Variants in VIRMA observed in about 807,000 individuals in gnomAD.
VIRMA encodes vir like m6A methyltransferase associated.
A neutral mutation model predicts 182.4 loss-of-function variants in VIRMA; 65 were observed. That is an observed-to-expected ratio of 0.36 (90% CI 0.29 to 0.44). The LOEUF (loss-of-function observed/expected upper bound fraction) is 0.44, where lower values mean the gene tolerates loss of function less well. VIRMA is among the 20% of genes least tolerant of loss of function. VIRMA has a pLI of 1.00. For missense variants in VIRMA, 1,752 were observed against 2,158.1 expected (o/e 0.81, Z 3.73); for synonymous variants, 709 against 743.1 (o/e 0.95, Z 0.75).
chr8:94,514,435 G>A (rs1814486458), intron 11 of VIRMA, among the ~76,000 whole-genome samples: 1 of 152,160 alleles, frequency 6.6e-6, no homozygotes. Context: ...AATTAACAAA[G>A]AGAACTTGCC....
At chr8:94,507,572 T>C (rs892250893) in intron 15 of VIRMA, among the ~76,000 whole-genome samples, 2 of 151,934 alleles carry the variant, frequency 1.3e-5, no homozygotes, top group Non-Finnish European at 2.9e-5. Context: ...CTGGCCAACA[T>C]GGTGAAACAC....
intron 2 of VIRMA, among the ~76,000 whole-genome samples, chr8:94,540,473 T>TG: frequency 6.8e-6 from 1 of 147,918 alleles, no homozygotes; most frequent in Non-Finnish European, 1.5e-5. Flanking sequence ...TTTTTTTTTT[T>TG]TTTTTTTTGA....
At position 94,509,733 on chromosome 8, in the gene VIRMA, C is replaced by G; in HGVS notation, c.3834G>C (p.Gln1278His). ...RSPGDSVIRQ[Q>H]CVEYVTSILQ... ...AAATGGATGTGACATATTCAACACA[C>G]TGTTGGCGAATAACACTGTCTCCAG... The change falls in exon 15 of 24, where the codon CAG becomes CAC. Residue 1278 changes from glutamine to histidine, a missense_variant. Around this residue, in one of 11 missense-constraint regions of VIRMA, gnomAD observed 777 missense variants for 920.6 expected, o/e 0.84. Transcript: ENST00000297591. 1 of 1,613,906 alleles carries G rather than the reference C, an allele frequency of 6.2e-7. No homozygotes were observed. Among genetic ancestry groups the G allele is most frequent in the South Asian group, 1.1e-5 (1 of 91,054 alleles).
chr8:94,530,333 C>T (rs1014632110), intron 6 of VIRMA, among the ~76,000 whole-genome samples: 1 of 151,734 alleles, frequency 6.6e-6, no homozygotes, highest in African/African-American at 2.4e-5. Context: ...TAGGAAACTT[C>T]TTCTCTATAA....
chr8:94,488,629 A>C lies in VIRMA; in HGVS notation c.*77T>G, dbSNP rs1453538048. ...TGTCTCCAGATAACTGCTAAGTCTAAATTGGTCCTTCAATGTCTTATTTTT... is the reference window on the plus strand; with the variant it reads ...TGTCTCCAGATAACTGCTAAGTCTACATTGGTCCTTCAATGTCTTATTTTT... On this transcript the variant is annotated 3_prime_UTR_variant, in exon 24 of 24. Transcript: ENST00000297591. The C allele has an allele frequency of 2.8e-6, 4 of 1,405,414 alleles. No homozygotes were observed. The highest frequency in any genetic ancestry group is 1.4e-5 in the African/African-American group (1 of 71,204). 87.1% of individuals were successfully genotyped at this position (1,405,414 alleles called of 1,614,324 possible).
intron 10 of VIRMA, 54 bp from the exon 11 acceptor site, chr8:94,515,005 GA>G (rs1814512454): frequency 1.1e-6 from 1 of 873,322 alleles, no homozygotes; most frequent in Non-Finnish European, 1.7e-6. Flanking sequence ...TTATAACAAA[GA>G]AAGTAAATAT....
intron 16 of VIRMA, among the ~76,000 whole-genome samples, chr8:94,501,899 T>C (rs1215150226): frequency 1.3e-5 from 2 of 152,206 alleles, no homozygotes; most frequent in Non-Finnish European, 2.9e-5. Context: ...AGAATGTATA[T>C]TCTGTGGTTG....
chr8:94,519,560 A>AT, intron 8 of VIRMA, 84 bp from the exon 9 acceptor site: 2 of 1,386,022 alleles, frequency 1.4e-6, no homozygotes, highest in South Asian at 3.0e-5. Flanking sequence ...ACTGATAAAA[A>AT]TTTTTAATGA....
rs1814939712 is a variant in VIRMA, at chr8:94,525,821, G to A, written c.2021+402C>T. ...TAACCAGCACTGTAAAATTAAGCTA[G>A]TAAAATATAATTTTAACTTACAATG... On this transcript the variant is annotated intron_variant, in intron 8 of 23. Transcript: ENST00000297591. Among the ~76,000 whole-genome samples, 3 of 152,308 alleles carry A rather than the reference G, an allele frequency of 2.0e-5. No homozygotes were observed. The South Asian group carries it at 6.2e-4, about 32-fold the overall frequency.
chr8:94,502,906 C>T (rs1467962597), intron 16 of VIRMA, among the ~76,000 whole-genome samples: 1 of 151,894 alleles, frequency 6.6e-6, no homozygotes, highest in Non-Finnish European at 1.5e-5. Flanking sequence ...AGAAGCCAAC[C>T]TGAAAGATCC....
At chr8:94,518,285 A>T (rs1379637454) in intron 9 of VIRMA, among the ~76,000 whole-genome samples, 1 of 152,234 alleles carries the variant, frequency 6.6e-6, no homozygotes, top group East Asian at 1.9e-4. Context: ...ATATTTGTCC[A>T]ATCTGGATAA....
Position 94,511,254 on chromosome 8 carries a change from T to C in VIRMA, c.3321A>G (p.Glu1107=), listed in dbSNP as rs146509428. 5.8e-4 allele frequency: 939 copies of C among 1,614,086 alleles called. 7 individuals carry two copies. In the African/African-American group the frequency reaches 0.01, roughly 18 times the overall value. ...EVLSSILKVP[E]GFFSGLILLS... is the part of the protein sequence containing the mutation. ...GGAGTATGAGTCCAGAAAAAAATCC[T>C]TCAGGAACCTTCAAGATTGAAGAAA... The change falls in exon 13 of 24, where the codon GAA becomes GAG. Residue 1107 remains glutamate, a synonymous_variant. Transcript: ENST00000297591.
At position 94,496,024 on chromosome 8, in the gene VIRMA, T is replaced by C; in HGVS notation, c.4384-133A>G. 5.5e-6 allele frequency: 4 copies of C among 729,600 alleles called. No individual in the cohort carries two copies. In the South Asian group the frequency reaches 8.6e-5, roughly 16 times the overall value. The allele number at this position is 729,600 out of a possible 1,614,324, so 45.2% of individuals were successfully genotyped here. A position where few individuals can be genotyped will look rare whatever the true frequency, so the allele number is the denominator to read the frequency against. On this transcript the variant is annotated intron_variant, in intron 18 of 23. Coordinates refer to ENST00000297591, the MANE Select transcript of VIRMA (RefSeq NM_015496.5). Reference sequence around the variant, plus strand: ...GAACACTGTCCAGAAATTATTAACATTAAACACATTAAAATAAAACAAACA... The same window carrying C: ...GAACACTGTCCAGAAATTATTAACACTAAACACATTAAAATAAAACAAACA...
intron 22 of VIRMA, among the ~76,000 whole-genome samples, chr8:94,490,705 G>C (rs965442531): frequency 6.6e-6 from 1 of 151,928 alleles, no homozygotes; most frequent in Non-Finnish European, 1.5e-5. Context: ...AAATTAGCCG[G>C]GTGTGGTGGC....
Position 94,495,740 on chromosome 8 carries a change from A to G in VIRMA, c.4535T>C (p.Phe1512Ser). 6.2e-7 allele frequency: 1 copy of G among 1,613,070 alleles called. No individual in the cohort carries two copies. Among genetic ancestry groups the G allele is most frequent in the Non-Finnish European group, 8.5e-7 (1 of 1,179,612 alleles). The change falls in exon 19 of 24, where the codon TTT becomes TCT. Residue 1512 changes from phenylalanine to serine, a missense_variant. Phe to Ser is a radical substitution (Grantham distance 155). Transcript: ENST00000297591. ...LSAPESLQNLFNNRTAYVLAD... is the reference protein window; with the variant it reads ...LSAPESLQNLSNNRTAYVLAD... ...ACATTGTGTATTTTACCTATTGTTAAACAGATTCTGAAGAGATTCTGGAGC... is the reference window on the plus strand; with the variant it reads ...ACATTGTGTATTTTACCTATTGTTAGACAGATTCTGAAGAGATTCTGGAGC...
In VIRMA at chr8:94,527,277, C is replaced by T. The variant is rs1563473477; in HGVS notation, c.967G>A (p.Val323Ile). The T allele has an allele frequency of 6.2e-7, 1 of 1,610,752 alleles. No homozygotes were observed. Among genetic ancestry groups the T allele is most frequent in the African/African-American group, 1.3e-5 (1 of 74,960 alleles). The part of the protein sequence containing the change: ...RETFKYPNFD[V>I]EYTAEDLASV... Reference sequence around the variant, plus strand: ...GCTAAGTCTTCAGCAGTGTATTCAACATCAAAGTTTGGATACTTAAATGTT... The same window carrying T: ...GCTAAGTCTTCAGCAGTGTATTCAATATCAAAGTTTGGATACTTAAATGTT... Residue 323 changes from valine (V) to isoleucine (I), a missense_variant, in exon 8 of 24, where the codon GTT becomes ATT. Coordinates refer to ENST00000297591, the MANE Select transcript of VIRMA (RefSeq NM_015496.5).
intron 16 of VIRMA, among the ~76,000 whole-genome samples, chr8:94,504,458 T>A (rs1282269977): frequency 2.0e-5 from 3 of 152,222 alleles, no homozygotes; most frequent in Non-Finnish European, 4.4e-5. Flanking sequence ...CAGGTCTTCA[T>A]CTTTGTTCAA....
At chr8:94,491,456 G>A (rs2130253841) in intron 22 of VIRMA, 122 bp downstream of exon 22, 2 of 880,034 alleles carry the variant, frequency 2.3e-6, no homozygotes, top group South Asian at 3.5e-5. Context: ...TAGTCCAGAG[G>A]TGGCTCAACT....
chr8:94,545,837 T>C, intron 1 of VIRMA, among the ~76,000 whole-genome samples: 1 of 152,156 alleles, frequency 6.6e-6, no homozygotes, highest in African/African-American at 2.4e-5. Flanking sequence ...GGAGGATCAC[T>C]TGAGGGCAGG....
Sources: allele counts gnomAD v4.1 joint callset (sites outside exome capture counted in the v4.1 genomes callset), GRCh38; gene constraint gnomAD v4.1.1; regional missense constraint gnomAD v4.1.1; transcripts MANE v1.5; gene names NCBI Gene and HGNC (gene_info 2026-07-23, HGNC 2026-07-21).